PARN: variants seen among roughly 807,000 people sequenced by gnomAD.
The protein encoded by PARN is poly(A)-specific ribonuclease PARN.
In PARN, 71 loss-of-function variants were observed where a neutral mutation model predicts 102.8. The ratio of observed to expected loss-of-function variants is 0.69; its 90% confidence interval spans 0.57 to 0.84. The LOEUF is 0.84. Ranked by LOEUF, PARN falls within the 40% of genes least tolerant of loss-of-function variation. The pLI is 0.00. For missense variants in PARN, 782 were observed against 760.9 expected (o/e 1.03, Z -0.33); for synonymous variants, 261 against 252.9 (o/e 1.03, Z -0.30).
intron 23 of PARN, 53 bp from the exon 24 acceptor site, chr16:14,436,825 A>C (rs1453830698): frequency 1.5e-6 from 2 of 1,327,184 alleles, no homozygotes; most frequent in African/African-American, 2.9e-5. Flanking sequence ...CGGCACCTTG[A>C]GGAGAGCATG....
chr16:14,587,713 C>T (rs1596763859), intron 13 of PARN, among the ~76,000 whole-genome samples: 1 of 152,300 alleles, frequency 6.6e-6, no homozygotes, highest in African/African-American at 2.4e-5. Context: ...AAAACATTTT[C>T]TTTCTCTGAC....
chr16:14,446,588 T>C (rs990352569), intron 23 of PARN, among the ~76,000 whole-genome samples: 3 of 152,156 alleles, frequency 2.0e-5, no homozygotes, highest in African/African-American at 7.2e-5. Context: ...ACATTTTAAA[T>C]ATTGAGGCTG....
intron 1 of PARN, 129 bp from the exon 2 acceptor site, chr16:14,629,803 G>C (rs571462568): frequency 2.0e-5 from 15 of 748,298 alleles, no homozygotes; most frequent in African/African-American, 6.9e-5. Context: ...TGTGCACCGG[G>C]GCGAGGGGAA....
intron 9 of PARN, among the ~76,000 whole-genome samples, chr16:14,607,563 C>G (rs754845472): frequency 3.3e-5 from 5 of 152,110 alleles, no homozygotes; most frequent in Admixed American, 6.6e-5. Flanking sequence ...ATGGCCAGCT[C>G]TGCTGTAGTT....
At chr16:14,537,056 T>C (rs1430765688) in intron 21 of PARN, among the ~76,000 whole-genome samples, 1 of 152,266 alleles carries the variant, frequency 6.6e-6, no homozygotes, top group Non-Finnish European at 1.5e-5. Flanking sequence ...AAGGGACTAA[T>C]ATTCAGAATA....
At chr16:14,494,314 G>A (rs1040737892) in intron 21 of PARN, among the ~76,000 whole-genome samples, 7 of 152,196 alleles carry the variant, frequency 4.6e-5, no homozygotes, top group Admixed American at 3.3e-4. Context: ...AAATCAGAGA[G>A]ACAAAGCCCA....
At chr16:14,578,379 G>A (rs2151745186) in intron 18 of PARN, among the ~76,000 whole-genome samples, 1 of 149,536 alleles carries the variant, frequency 6.7e-6, no homozygotes, top group South Asian at 2.1e-4. Flanking sequence ...TCTTGGCTAG[G>A]CGCGGTGACT....
intron 22 of PARN, among the ~76,000 whole-genome samples, chr16:14,449,610 G>A (rs1029055716): frequency 3.9e-5 from 6 of 152,076 alleles, no homozygotes; most frequent in Non-Finnish European, 7.4e-5. Flanking sequence ...CACAGATAAA[G>A]GGTTAATGTC....
At chr16:14,460,466 T>C (rs1011850676) in intron 22 of PARN, among the ~76,000 whole-genome samples, 1 of 152,164 alleles carries the variant, frequency 6.6e-6, no homozygotes, top group Non-Finnish European at 1.5e-5. Flanking sequence ...AGGGTGAGTA[T>C]TCTACACTCG....
At chr16:14,550,038 AG>A (rs1339558969) in intron 21 of PARN, among the ~76,000 whole-genome samples, 3 of 152,176 alleles carry the variant, frequency 2.0e-5, no homozygotes, top group Non-Finnish European at 4.4e-5. Flanking sequence ...TGGCTAGCAA[AG>A]GAGCTGAAGA....
chr16:14,523,397 C>A (rs181234486), intron 21 of PARN, among the ~76,000 whole-genome samples: 1 of 152,234 alleles, frequency 6.6e-6, no homozygotes, highest in South Asian at 2.1e-4. Context: ...TTCAAACAAA[C>A]GTGGCACATT....
intron 21 of PARN, among the ~76,000 whole-genome samples, chr16:14,500,603 G>C: frequency 6.6e-6 from 1 of 151,876 alleles, no homozygotes; most frequent in East Asian, 1.9e-4. Flanking sequence ...TCTTTCCCTA[G>C]AAAAAAATAT....
chr16:14,489,068 C>A (rs1963902986), intron 21 of PARN, among the ~76,000 whole-genome samples: 1 of 151,982 alleles, frequency 6.6e-6, no homozygotes, highest in Admixed American at 6.6e-5. Context: ...TAAATGCAAT[C>A]CCCCTCACGC....
chr16:14,551,146 C>G (rs1200944695), intron 21 of PARN, among the ~76,000 whole-genome samples: 1 of 151,530 alleles, frequency 6.6e-6, no homozygotes, highest in Admixed American at 6.6e-5. Context: ...TGGCCAGGCT[C>G]GTCTCGAACT....
intron 14 of PARN, among the ~76,000 whole-genome samples, chr16:14,585,575 A>C (rs140882598): frequency 6.6e-6 from 1 of 152,248 alleles, no homozygotes; most frequent in Non-Finnish European, 1.5e-5. Context: ...AGGGGGCAAT[A>C]ATAACTATGG....
At chr16:14,479,920 CAAAAA>C (rs58833234) in intron 22 of PARN, among the ~76,000 whole-genome samples, 1 of 102,878 alleles carries the variant, frequency 9.7e-6, no homozygotes. Flanking sequence ...AACCTTCTAC[CAAAAA>C]AAAAAAAAAA....
intron 21 of PARN, among the ~76,000 whole-genome samples, chr16:14,537,475 C>A (rs781656238): frequency 6.6e-6 from 1 of 152,148 alleles, no homozygotes; most frequent in African/African-American, 2.4e-5. Flanking sequence ...AAGGCATACG[C>A]TGCACCCCCA....
chr16:14,554,719 C>T (rs115901511), intron 19 of PARN, among the ~76,000 whole-genome samples: 2,091 of 151,592 alleles, frequency 0.014, 42 homozygotes, highest in African/African-American at 0.045. Flanking sequence ...GCTGGAATTA[C>T]AAGCATGAAC....
At chr16:14,604,257 C>A (rs1291240613) in intron 10 of PARN, 31 bp from the exon 11 acceptor site, 4 of 1,393,926 alleles carry the variant, frequency 2.9e-6, no homozygotes, top group Middle Eastern at 3.5e-4. Flanking sequence ...ATACAATTTT[C>A]TTTTCTTTTT....
Sources: allele counts gnomAD v4.1 joint callset (sites outside exome capture counted in the v4.1 genomes callset), GRCh38; gene constraint gnomAD v4.1.1; transcripts MANE v1.5; gene names NCBI Gene and HGNC (gene_info 2026-07-23, HGNC 2026-07-21).